EPHA5: variants seen among roughly 807,000 people sequenced by gnomAD.
EPHA5 encodes ephrin type-A receptor 5.
A neutral mutation model predicts 105.0 loss-of-function variants in EPHA5; 60 were observed. The observed-to-expected ratio is 0.57, with a 90% CI of 0.46 to 0.71. The LOEUF is 0.71. Ranked by LOEUF, EPHA5 falls within the 30% of genes least tolerant of loss-of-function variation. The probability of loss-of-function intolerance (pLI) is 0.00; values close to 1 mark genes in which losing one functional copy is unlikely to be tolerated. For missense variants in EPHA5, 1,218 were observed against 1,274.7 expected, an observed-to-expected ratio of 0.96 and a Z score of 0.68; for synonymous variants, 513 against 449.1, an observed-to-expected ratio of 1.14 and a Z score of -1.80.
intron 3 of EPHA5, among the ~76,000 whole-genome samples, chr4:65,568,532 A>G (rs1002992475): frequency 1.3e-5 from 2 of 151,200 alleles, no homozygotes; most frequent in Non-Finnish European, 3.0e-5. Flanking sequence ...ATAATTAACA[A>G]CAACGCATCC....
intron 5 of EPHA5, among the ~76,000 whole-genome samples, chr4:65,440,528 A>ACACACACACC (rs368038997): frequency 1.4e-4 from 22 of 151,808 alleles, no homozygotes; most frequent in African/African-American, 2.2e-4. Context: ...ACACACACAC[A>ACACACACACC]CACACAGAGG....
intron 11 of EPHA5, 84 bp downstream of exon 11, chr4:65,364,933 G>T (rs550716451): frequency 1.8e-6 from 2 of 1,084,174 alleles, no homozygotes; most frequent in South Asian, 2.4e-5. Flanking sequence ...TTACAATCTT[G>T]GTTTCTCTTT....
intron 3 of EPHA5, among the ~76,000 whole-genome samples, chr4:65,576,936 G>A (rs552983920): frequency 6.6e-6 from 1 of 152,140 alleles, no homozygotes; most frequent in African/African-American, 2.4e-5. Context: ...CTATCAGTTT[G>A]AGTGACATTT....
rs1310465912 is a variant in EPHA5 at position 65,351,416 on chromosome 4, A to G, written c.2418T>C (p.Asp806=). The G allele has an allele frequency of 1.2e-6, 2 of 1,613,748 alleles. No homozygotes were observed. The highest frequency in any genetic ancestry group is 1.7e-6 in the Non-Finnish European group (2 of 1,179,790). The part of the protein sequence containing the change: ...SDFGLSRVLE[D]DPEAAYTTRG... ...TTGTGGTGTAGGCTGCCTCGGGATC[A>G]TCTTCCAGTACCCGGGAAAGTCCAA... Residue 806 remains aspartate, a synonymous_variant, in exon 13 of 17, where the codon GAT becomes GAC. Coordinates refer to ENST00000613740, the MANE Select transcript of EPHA5 (RefSeq NM_001281766.3).
chr4:65,409,044 C>A (rs10007478), intron 7 of EPHA5, among the ~76,000 whole-genome samples: 4,971 of 147,236 alleles, frequency 0.034, 121 homozygotes, highest in East Asian at 0.091. Context: ...TTTTTAGGGA[C>A]ATGGATGAAA....
At position 65,550,190 on chromosome 4, in the gene EPHA5, A is replaced by G. The variant is rs1297600071; in HGVS notation, c.910+51451T>C. On this transcript the variant is annotated intron_variant, in intron 3 of 16. Coordinates refer to ENST00000613740, the MANE Select transcript of EPHA5 (RefSeq NM_001281766.3). Reference sequence around the variant, plus strand: ...ACTGAACTAAGTCAAACATAAGGAAAAAGAAACAATAAAATTATGTAATGA... The same window carrying G: ...ACTGAACTAAGTCAAACATAAGGAAGAAGAAACAATAAAATTATGTAATGA... Among the ~76,000 whole-genome samples, 3 of 151,950 alleles carry G rather than the reference A, an allele frequency of 2.0e-5. No homozygotes were observed. The East Asian group carries it at 5.8e-4, about 29-fold the overall frequency.
At chr4:65,419,142 C>T (rs1288037923) in intron 6 of EPHA5, among the ~76,000 whole-genome samples, 1 of 151,928 alleles carries the variant, frequency 6.6e-6, no homozygotes, top group Non-Finnish European at 1.5e-5. Context: ...CCTCAGCCTT[C>T]CAAAGTTCTG....
chr4:65,496,164 T>G (rs1222904923), intron 3 of EPHA5, among the ~76,000 whole-genome samples: 1 of 152,194 alleles, frequency 6.6e-6, no homozygotes, highest in African/African-American at 2.4e-5. Context: ...AACATTTATC[T>G]ATTCTAATAT....
chr4:65,527,323 A>T (rs1170700998), intron 3 of EPHA5, among the ~76,000 whole-genome samples: 1 of 152,136 alleles, frequency 6.6e-6, no homozygotes, highest in Non-Finnish European at 1.5e-5. Flanking sequence ...ATGAAAAATA[A>T]TGCTGACAGT....
intron 5 of EPHA5, among the ~76,000 whole-genome samples, chr4:65,421,973 T>C (rs1035649144): frequency 5.9e-5 from 9 of 152,098 alleles, no homozygotes; most frequent in African/African-American, 1.9e-4. Flanking sequence ...AGTTCTTCAA[T>C]AAAATAATCA....
chr4:65,444,994 A>C (rs1726379666), intron 5 of EPHA5, among the ~76,000 whole-genome samples: 5 of 152,100 alleles, frequency 3.3e-5, no homozygotes, highest in Admixed American at 1.3e-4. Context: ...AATAAATAGT[A>C]TTGGAGTTTA....
At chr4:65,628,015 T>C (rs1369761814) in intron 2 of EPHA5, among the ~76,000 whole-genome samples, 15 of 152,160 alleles carry the variant, frequency 9.9e-5, no homozygotes, top group Non-Finnish European at 2.1e-4. Flanking sequence ...CAGTATGGAC[T>C]CAAGTTGTCA....
chr4:65,430,602 C>T (rs1453042604), intron 5 of EPHA5, among the ~76,000 whole-genome samples: 1 of 152,008 alleles, frequency 6.6e-6, no homozygotes, highest in African/African-American at 2.4e-5. Flanking sequence ...TCCTTCCTAA[C>T]ATCATTAGGA....
chr4:65,417,043 C>G (rs1299889472), intron 6 of EPHA5, among the ~76,000 whole-genome samples: 1 of 152,218 alleles, frequency 6.6e-6, no homozygotes, highest in Non-Finnish European at 1.5e-5. Flanking sequence ...GCTTAGCAAA[C>G]ACTGTTCACA....
intron 5 of EPHA5, among the ~76,000 whole-genome samples, chr4:65,473,995 G>A (rs1008444402): frequency 1.3e-5 from 2 of 150,814 alleles, no homozygotes; most frequent in Admixed American, 6.6e-5. Context: ...ACAGGAAGGG[G>A]GACATCACAC....
At chr4:65,421,943 C>A (rs898689537) in intron 5 of EPHA5, among the ~76,000 whole-genome samples, 8 of 152,102 alleles carry the variant, frequency 5.3e-5, no homozygotes, top group African/African-American at 1.9e-4. Context: ...GGGATTTGTG[C>A]TTCATTTTAA....
intron 2 of EPHA5, among the ~76,000 whole-genome samples, chr4:65,617,991 AGGCTTG>A (rs1283533038): frequency 1.1e-4 from 17 of 152,306 alleles, no homozygotes; most frequent in African/African-American, 3.8e-4. Context: ...TGTGAGATTG[AGGCTTG>A]ATCTAACCAG....
chr4:65,372,092 T>C (rs892516365), intron 8 of EPHA5, among the ~76,000 whole-genome samples: 1 of 151,974 alleles, frequency 6.6e-6, no homozygotes, highest in African/African-American at 2.4e-5. Context: ...TCTTCACATA[T>C]GCACACTCAC....
intron 5 of EPHA5, among the ~76,000 whole-genome samples, chr4:65,469,650 G>A (rs1027647327): frequency 6.6e-6 from 1 of 152,052 alleles, no homozygotes; most frequent in Non-Finnish European, 1.5e-5. Context: ...GAAAAACACA[G>A]ATTTTGTCTC....
Sources: allele counts gnomAD v4.1 joint callset (sites outside exome capture counted in the v4.1 genomes callset), GRCh38; gene constraint gnomAD v4.1.1; transcripts MANE v1.5; gene names NCBI Gene and HGNC (gene_info 2026-07-23, HGNC 2026-07-21).